Variants in MSH3 observed in about 807,000 individuals in gnomAD.
MSH3 encodes the protein DNA mismatch repair protein Msh3.
A neutral mutation model predicts 123.3 loss-of-function variants in MSH3; 106 were observed. The ratio of observed to expected loss-of-function variants is 0.86; its 90% confidence interval spans 0.73 to 1.01. The LOEUF is 1.01. Ranked by LOEUF, MSH3 falls within the 50% of genes least tolerant of loss-of-function variation. MSH3 has a pLI of 0.00. For missense variants in MSH3, 1,459 were observed against 1,347.6 expected (o/e 1.08, Z -1.29); for synonymous variants, 515 against 481.4 (o/e 1.07, Z -0.91).
intron 21 of MSH3, among the ~76,000 whole-genome samples, chr5:80,857,181 T>G (rs1006478105): frequency 5.9e-5 from 9 of 152,224 alleles, no homozygotes; most frequent in African/African-American, 1.9e-4. Flanking sequence ...TTTAGCCTGT[T>G]GATGTGATGG....
At chr5:80,776,012 C>T (rs920855105) in intron 16 of MSH3, among the ~76,000 whole-genome samples, 4 of 151,946 alleles carry the variant, frequency 2.6e-5, no homozygotes, top group Non-Finnish European at 4.4e-5. Flanking sequence ...GCCTCAGCCT[C>T]CCGAGTAGCT....
At chr5:80,828,535 G>T (rs1404468912) in intron 20 of MSH3, among the ~76,000 whole-genome samples, 1 of 152,150 alleles carries the variant, frequency 6.6e-6, no homozygotes, top group Non-Finnish European at 1.5e-5. Flanking sequence ...TTCATTCCAT[G>T]TTTATAGCCC....
At chr5:80,841,403 C>T (rs1745622847) in intron 20 of MSH3, among the ~76,000 whole-genome samples, 1 of 152,174 alleles carries the variant, frequency 6.6e-6, no homozygotes, top group South Asian at 2.1e-4. Context: ...GATTTATAAT[C>T]CTTTGGGTAT....
chr5:80,869,837 T>TACACAC (rs1561505342), intron 22 of MSH3, among the ~76,000 whole-genome samples: 2 of 55,330 alleles, frequency 3.6e-5, no homozygotes, highest in African/African-American at 1.3e-4. Flanking sequence ...TATATACATA[T>TACACAC]ATATACACAC....
At chr5:80,840,415 T>A (rs1474691768) in intron 20 of MSH3, among the ~76,000 whole-genome samples, 1 of 152,030 alleles carries the variant, frequency 6.6e-6, no homozygotes, top group Admixed American at 6.6e-5. Context: ...CATGTTATTA[T>A]CTTCCTTGAA....
At chr5:80,743,116 T>C (rs1348374549) in intron 11 of MSH3, among the ~76,000 whole-genome samples, 2 of 152,020 alleles carry the variant, frequency 1.3e-5, no homozygotes, top group Non-Finnish European at 2.9e-5. Flanking sequence ...AGGAGTTGGG[T>C]GTCAGCAAGA....
intron 20 of MSH3, among the ~76,000 whole-genome samples, chr5:80,816,066 T>C (rs1158124011): frequency 6.6e-6 from 1 of 152,196 alleles, no homozygotes; most frequent in Non-Finnish European, 1.5e-5. Context: ...GAAATTGGAG[T>C]ATTTATCCAT....
chr5:80,874,592 T>C (rs1312463401), intron 23 of MSH3, among the ~76,000 whole-genome samples: 2 of 152,252 alleles, frequency 1.3e-5, no homozygotes, highest in Non-Finnish European at 1.5e-5. Context: ...CATATTATTA[T>C]TGTTCTTTTT....
At chr5:80,668,064 G>C (rs982873367) in intron 3 of MSH3, among the ~76,000 whole-genome samples, 2 of 152,162 alleles carry the variant, frequency 1.3e-5, no homozygotes, top group Non-Finnish European at 2.9e-5. Context: ...ACCCGCAGTG[G>C]GTGCTTCTTT....
intron 21 of MSH3, among the ~76,000 whole-genome samples, chr5:80,862,302 A>G (rs1223452020): frequency 1.3e-5 from 2 of 152,194 alleles, no homozygotes; most frequent in Admixed American, 1.3e-4. Flanking sequence ...AAGAAGGCAC[A>G]CATTCAGACT....
chr5:80,756,375 G>A (rs751813244), intron 12 of MSH3, among the ~76,000 whole-genome samples: 1 of 152,198 alleles, frequency 6.6e-6, no homozygotes, highest in Non-Finnish European at 1.5e-5. Flanking sequence ...CAGGCCTTCA[G>A]TGTTTCTTCT....
intron 2 of MSH3, among the ~76,000 whole-genome samples, chr5:80,661,998 A>G (rs755762460): frequency 6.6e-6 from 1 of 152,238 alleles, no homozygotes; most frequent in African/African-American, 2.4e-5. Context: ...CAATACAGAG[A>G]CAGTAGACAT....
intron 8 of MSH3, among the ~76,000 whole-genome samples, chr5:80,694,558 T>C (rs553846247): frequency 2.6e-5 from 4 of 152,270 alleles, no homozygotes; most frequent in African/African-American, 9.6e-5. Flanking sequence ...TCCTATTGCT[T>C]ACCTTGCTGT....
At chr5:80,812,918 C>T (rs576453067) in intron 19 of MSH3, among the ~76,000 whole-genome samples, 14 of 152,258 alleles carry the variant, frequency 9.2e-5, no homozygotes, top group African/African-American at 3.4e-4. Flanking sequence ...TAGCCCAGAG[C>T]ATGGATGCCC....
chr5:80,821,196 C>T (rs144261179), intron 20 of MSH3, among the ~76,000 whole-genome samples: 121 of 152,264 alleles, frequency 7.9e-4, no homozygotes, highest in African/African-American at 2.1e-3. Context: ...GATCTGTTCA[C>T]GGTAAACTCC....
chr5:80,843,232 C>G (rs1315675498), intron 20 of MSH3, among the ~76,000 whole-genome samples: 2 of 152,178 alleles, frequency 1.3e-5, no homozygotes, highest in Non-Finnish European at 1.5e-5. Context: ...GTTGAAGCAG[C>G]CTTGCATCCC....
intron 18 of MSH3, among the ~76,000 whole-genome samples, chr5:80,788,412 G>A (rs990859495): frequency 1.3e-5 from 2 of 152,176 alleles, no homozygotes; most frequent in African/African-American, 4.8e-5. Context: ...ACTCCATCCA[G>A]CCTGGGCAAG....
At chr5:80,790,291 C>T (rs1474325697) in intron 18 of MSH3, among the ~76,000 whole-genome samples, 1 of 152,178 alleles carries the variant, frequency 6.6e-6, no homozygotes, top group African/African-American at 2.4e-5. Context: ...TCAGTATACT[C>T]TACTGTAAGG....
chr5:80,873,156 C>A lies in MSH3; in HGVS notation c.3171C>A (p.Tyr1057Ter). 2 of 1,613,702 alleles carry A rather than the reference C, an allele frequency of 1.2e-6. No homozygotes were observed. Among genetic ancestry groups the A allele is most frequent in the East Asian group, 4.5e-5 (2 of 44,842 alleles). Residue 1057 changes from tyrosine to a stop codon, truncating the protein, a stop_gained, in exon 23 of 24, where the codon TAC becomes TAA. Coordinates refer to ENST00000265081, the MANE Select transcript of MSH3 (RefSeq NM_002439.5). LOFTEE classifies it high-confidence loss of function. ...TCCCTGATTTTGTCACCTTCCTTTA[C>A]CAAATAACTAGAGGAATTGCAGCAA... ...EQVPDFVTFL[Y>*]QITRGIAARS...
Sources: allele counts gnomAD v4.1 joint callset (sites outside exome capture counted in the v4.1 genomes callset), GRCh38; gene constraint gnomAD v4.1.1; transcripts MANE v1.5; gene names NCBI Gene and HGNC (gene_info 2026-07-23, HGNC 2026-07-21).